HDAC9: variants seen among roughly 807,000 people sequenced by gnomAD.
The protein encoded by HDAC9 is histone deacetylase 9.
Under a neutral mutation model 139.4 loss-of-function variants are expected in HDAC9, and 41 were observed. The ratio of observed to expected loss-of-function variants is 0.29; its 90% CI spans 0.23 to 0.38. HDAC9 has a LOEUF of 0.38. HDAC9 is among the 10% of genes least tolerant of loss of function. HDAC9 has a pLI of 1.00. For synonymous variants in HDAC9, 517 were observed against 476.2 expected (o/e 1.09, Z -1.12); for missense variants, 1,147 against 1,297.0 (o/e 0.88, Z 1.78).
intron 1 of HDAC9, among the ~76,000 whole-genome samples, chr7:18,459,808 C>T (rs960395147): frequency 6.6e-6 from 1 of 152,060 alleles, no homozygotes; most frequent in Admixed American, 6.6e-5. Flanking sequence ...TCTTCCTGTC[C>T]TCATATTTAA....
chr7:18,797,580 C>A (rs1252590547), intron 17 of HDAC9, among the ~76,000 whole-genome samples: 1 of 152,034 alleles, frequency 6.6e-6, no homozygotes, highest in African/African-American at 2.4e-5. Context: ...GTAATCCCAG[C>A]ACTTTGGGAG....
At chr7:18,565,104 C>T (rs1372976966) in intron 2 of HDAC9, among the ~76,000 whole-genome samples, 1 of 152,036 alleles carries the variant, frequency 6.6e-6, no homozygotes, top group Non-Finnish European at 1.5e-5. Flanking sequence ...TCAAGGGATT[C>T]TCCTGCCTTG....
At chr7:18,981,820 C>A (rs574557325) in intron 25 of HDAC9, among the ~76,000 whole-genome samples, 2 of 152,246 alleles carry the variant, frequency 1.3e-5, no homozygotes, top group South Asian at 4.1e-4. Flanking sequence ...CATATTCACA[C>A]GTTCCAAGGA....
chr7:18,214,674 T>C (rs1792175774), intron 2 of HDAC9, among the ~76,000 whole-genome samples: 1 of 152,080 alleles, frequency 6.6e-6, no homozygotes, highest in Non-Finnish European at 1.5e-5. Flanking sequence ...CCATTATATA[T>C]AAGCTTATAT....
intron 1 of HDAC9, among the ~76,000 whole-genome samples, chr7:18,461,213 T>A (rs1793818469): frequency 1.3e-5 from 2 of 152,196 alleles, no homozygotes; most frequent in Admixed American, 1.3e-4. Flanking sequence ...CAGTACTTAA[T>A]TGATTTTTAG....
At chr7:18,761,637 C>T (rs555418523) in intron 14 of HDAC9, among the ~76,000 whole-genome samples, 6 of 152,230 alleles carry the variant, frequency 3.9e-5, no homozygotes, top group African/African-American at 1.4e-4. Flanking sequence ...CCATGGGACA[C>T]AGTTTGAGGA....
intron 1 of HDAC9, among the ~76,000 whole-genome samples, chr7:18,138,902 T>C (rs1785667587): frequency 6.6e-6 from 1 of 152,104 alleles, no homozygotes; most frequent in African/African-American, 2.4e-5. Context: ...GAATAATGAT[T>C]CTAGCATGAG....
intron 1 of HDAC9, among the ~76,000 whole-genome samples, chr7:18,094,439 C>CT (rs762146571): frequency 0.035 from 4,754 of 135,970 alleles, 247 homozygotes; most frequent in African/African-American, 0.11. Flanking sequence ...GTTACCTTTA[C>CT]TTTTTTTTTT....
intron 2 of HDAC9, among the ~76,000 whole-genome samples, chr7:18,503,648 G>A (rs956209867): frequency 2.6e-5 from 4 of 152,104 alleles, no homozygotes. Flanking sequence ...TTTTAAGGAA[G>A]AAAGAAATTT....
chr7:18,765,886 T>A (rs1789791447), intron 15 of HDAC9, among the ~76,000 whole-genome samples: 1 of 152,210 alleles, frequency 6.6e-6, no homozygotes, highest in African/African-American at 2.4e-5. Context: ...TGACTTCTCA[T>A]CTTTTTGTTA....
At chr7:18,888,294 G>A (rs948366602) in intron 22 of HDAC9, among the ~76,000 whole-genome samples, 2 of 152,086 alleles carry the variant, frequency 1.3e-5, no homozygotes, top group African/African-American at 4.8e-5. Context: ...GCGTGGTGGC[G>A]GGCGCCTGTA....
intron 1 of HDAC9, among the ~76,000 whole-genome samples, chr7:18,370,341 A>C (rs1404798720): frequency 6.6e-6 from 1 of 152,164 alleles, no homozygotes; most frequent in Non-Finnish European, 1.5e-5. Flanking sequence ...CATATTCTAA[A>C]ATCAACATGA....
chr7:18,153,604 A>G (rs1005779721), intron 1 of HDAC9, among the ~76,000 whole-genome samples: 42 of 152,144 alleles, frequency 2.8e-4, no homozygotes, highest in African/African-American at 8.2e-4. Flanking sequence ...TTGCAAAGGG[A>G]GTAGCCTTTG....
chr7:18,090,114 A>G (rs978394373), intron 1 of HDAC9, among the ~76,000 whole-genome samples: 5 of 152,122 alleles, frequency 3.3e-5, no homozygotes, highest in African/African-American at 9.7e-5. Context: ...CATTTGAGAG[A>G]TAAGTAGGGT....
chr7:18,453,327 G>A (rs939024048), intron 1 of HDAC9, among the ~76,000 whole-genome samples: 7 of 152,102 alleles, frequency 4.6e-5, no homozygotes, highest in African/African-American at 1.7e-4. Context: ...TAAAAAAAGT[G>A]GGGGGAAGGA....
At chr7:18,830,414 G>T (rs1251720050) in intron 19 of HDAC9, among the ~76,000 whole-genome samples, 1 of 152,180 alleles carries the variant, frequency 6.6e-6, no homozygotes, top group Admixed American at 6.5e-5. Flanking sequence ...AATTTTTGCA[G>T]GTGATAAAAG....
intron 2 of HDAC9, among the ~76,000 whole-genome samples, chr7:18,505,325 T>C (rs896181861): frequency 6.6e-6 from 1 of 152,212 alleles, no homozygotes; most frequent in African/African-American, 2.4e-5. Flanking sequence ...ATGGGGTTCA[T>C]TTATTTTGAC....
chr7:18,955,185 A>C (rs1320270630), intron 24 of HDAC9, among the ~76,000 whole-genome samples: 1 of 152,140 alleles, frequency 6.6e-6, no homozygotes, highest in Non-Finnish European at 1.5e-5. Flanking sequence ...GGGGTGCACT[A>C]TTCAAGTCTC....
intron 21 of HDAC9, among the ~76,000 whole-genome samples, chr7:18,854,883 A>G (rs1296030472): frequency 5.9e-5 from 9 of 152,172 alleles, no homozygotes; most frequent in Admixed American, 2.0e-4. Flanking sequence ...ATATATTTTG[A>G]CAGCGTACTT....
Sources: allele counts gnomAD v4.1 joint callset (sites outside exome capture counted in the v4.1 genomes callset), GRCh38; gene constraint gnomAD v4.1.1; transcripts MANE v1.5; gene names NCBI Gene and HGNC (gene_info 2026-07-23, HGNC 2026-07-21).